CACHD1: variants seen among roughly 807,000 people sequenced by gnomAD.
The protein encoded by CACHD1 is VWFA and cache domain-containing protein 1.
In CACHD1, 71 loss-of-function variants were observed where a neutral mutation model predicts 138.7. That is an observed-to-expected ratio of 0.51 (90% CI 0.42 to 0.62). The LOEUF is 0.62. CACHD1 is among the 20% of genes least tolerant of loss of function. The pLI is 0.00. For synonymous variants in CACHD1, 578 were observed against 591.5 expected, an observed-to-expected ratio of 0.98 and a Z score of 0.33; for missense variants, 1,389 against 1,625.3, an observed-to-expected ratio of 0.85 and a Z score of 2.50.
At chr1:64,647,084 A>G (rs1405708863) in intron 8 of CACHD1, among the ~76,000 whole-genome samples, 2 of 151,756 alleles carry the variant, frequency 1.3e-5, no homozygotes, top group African/African-American at 2.4e-5. Flanking sequence ...AAAAAAGTGT[A>G]TTAAATTTAC....
At chr1:64,493,582 C>T (rs576049576) in intron 1 of CACHD1, among the ~76,000 whole-genome samples, 2 of 152,188 alleles carry the variant, frequency 1.3e-5, no homozygotes, top group African/African-American at 4.8e-5. Flanking sequence ...TGGCCCATAG[C>T]TGGACAATAT....
intron 2 of CACHD1, among the ~76,000 whole-genome samples, chr1:64,566,035 G>A (rs1375781953): frequency 6.6e-6 from 1 of 152,058 alleles, no homozygotes; most frequent in African/African-American, 2.4e-5. Flanking sequence ...TTTATTCTTG[G>A]CTGAAATGAT....
chr1:64,623,712 C>A (rs17383150), intron 4 of CACHD1, among the ~76,000 whole-genome samples: 12,557 of 152,210 alleles, frequency 0.082, 687 homozygotes, highest in Admixed American at 0.16. Context: ...GGTGCAGTAA[C>A]TTCTAGCTTG....
intron 25 of CACHD1, among the ~76,000 whole-genome samples, chr1:64,681,633 A>G (rs1373391141): frequency 7.0e-6 from 1 of 142,766 alleles, no homozygotes; most frequent in South Asian, 2.2e-4. Flanking sequence ...TTTTCCAACC[A>G]TAGTATTTTA....
chr1:64,512,840 T>C (rs1570319396), intron 1 of CACHD1, among the ~76,000 whole-genome samples: 1 of 152,330 alleles, frequency 6.6e-6, no homozygotes, highest in Non-Finnish European at 1.5e-5. Context: ...GGTTAAGTTT[T>C]TTCTGCCACC....
chr1:64,678,050 C>A, intron 22 of CACHD1, 109 bp from the exon 23 acceptor site: 1 of 1,112,174 alleles, frequency 9.0e-7, no homozygotes, highest in Non-Finnish European at 1.3e-6. Context: ...AAGAAATTCA[C>A]AGCACTAGTA....
chr1:64,619,506 T>C (rs921584376), intron 4 of CACHD1, among the ~76,000 whole-genome samples: 5 of 152,196 alleles, frequency 3.3e-5, no homozygotes, highest in Admixed American at 2.6e-4. Flanking sequence ...TTTTATGATA[T>C]TACTTTGTCA....
intron 7 of CACHD1, among the ~76,000 whole-genome samples, chr1:64,641,151 T>C (rs569672751): frequency 7.2e-5 from 11 of 152,236 alleles, no homozygotes. Context: ...GCAACACTAC[T>C]AAGTCAGTCC....
intron 7 of CACHD1, among the ~76,000 whole-genome samples, chr1:64,634,829 C>T (rs1485365669): frequency 6.6e-6 from 1 of 151,766 alleles, no homozygotes; most frequent in Non-Finnish European, 1.5e-5. Flanking sequence ...CCCATCTCTA[C>T]TAAAAATACA....
chr1:64,532,563 A>C (rs1460792749), intron 1 of CACHD1, among the ~76,000 whole-genome samples: 3 of 152,158 alleles, frequency 2.0e-5, no homozygotes, highest in Non-Finnish European at 4.4e-5. Flanking sequence ...GAGAACACTC[A>C]TCAAGTTTGA....
chr1:64,575,026 A>G (rs1646956019), intron 2 of CACHD1, among the ~76,000 whole-genome samples: 2 of 152,240 alleles, frequency 1.3e-5, no homozygotes, highest in African/African-American at 2.4e-5. Flanking sequence ...TTTTACTTCT[A>G]GCTCTGTTGT....
At chr1:64,590,957 T>C (rs1169764710) in intron 3 of CACHD1, among the ~76,000 whole-genome samples, 2 of 152,344 alleles carry the variant, frequency 1.3e-5, no homozygotes, top group Non-Finnish European at 2.9e-5. Flanking sequence ...GTTTGAACTA[T>C]ATTTCAGAGA....
chr1:64,638,358 A>G (rs778703989), intron 7 of CACHD1, among the ~76,000 whole-genome samples: 34 of 152,230 alleles, frequency 2.2e-4, no homozygotes, highest in Non-Finnish European at 2.2e-4. Flanking sequence ...TAGTCTGTAC[A>G]TGAAAGTAAA....
At chr1:64,476,088 A>G (rs544272464) in intron 1 of CACHD1, among the ~76,000 whole-genome samples, 182 of 141,700 alleles carry the variant, frequency 1.3e-3, no homozygotes, top group African/African-American at 4.4e-3. Context: ...CCACACACAC[A>G]GGCCAGTCCT....
chr1:64,667,843 C>T (rs1649685957), intron 16 of CACHD1, among the ~76,000 whole-genome samples: 1 of 152,176 alleles, frequency 6.6e-6, no homozygotes, highest in South Asian at 2.1e-4. Context: ...ATTTGCTTTT[C>T]TGTCTAGACA....
At chr1:64,671,318 A>T (rs1383401266) in intron 16 of CACHD1, among the ~76,000 whole-genome samples, 2 of 152,094 alleles carry the variant, frequency 1.3e-5, no homozygotes, top group African/African-American at 4.8e-5. Context: ...CATATTTCAC[A>T]GCTGCTCAGG....
chr1:64,504,386 T>C (rs1468148711), intron 1 of CACHD1, among the ~76,000 whole-genome samples: 1 of 152,214 alleles, frequency 6.6e-6, no homozygotes, highest in Admixed American at 6.5e-5. Flanking sequence ...GACACAACAT[T>C]TAATCACTGG....
At chr1:64,507,108 A>G (rs377387824) in intron 1 of CACHD1, among the ~76,000 whole-genome samples, 26 of 152,330 alleles carry the variant, frequency 1.7e-4, no homozygotes, top group African/African-American at 5.3e-4. Context: ...GTAAATTAGT[A>G]TGTGTTTCAC....
At chr1:64,653,925 T>A (rs1649184051) in intron 11 of CACHD1, 44 bp downstream of exon 11, 5 of 1,583,128 alleles carry the variant, frequency 3.2e-6, no homozygotes, top group Admixed American at 1.7e-5. Flanking sequence ...TCCCTGAGAA[T>A]GGGACCCATC....
Sources: allele counts gnomAD v4.1 joint callset (sites outside exome capture counted in the v4.1 genomes callset), GRCh38; gene constraint gnomAD v4.1.1; transcripts MANE v1.5; gene names NCBI Gene and HGNC (gene_info 2026-07-23, HGNC 2026-07-21).